The following LYRM4 variants were observed in gnomAD, a reference collection of about 807,000 sequenced individuals.
LYRM4 encodes the protein LYR motif-containing protein 4.
LYRM4 carries 9 observed loss-of-function variants against 11.7 expected under a neutral mutation model. The ratio of observed to expected loss-of-function variants is 0.77; its 90% confidence interval spans 0.46 to 1.34. The LOEUF is 1.34. LYRM4 is among the 40% of genes most tolerant of loss of function. LYRM4 has a pLI of 0.00. For synonymous variants in LYRM4, 42 were observed against 40.4 expected (o/e 1.04, Z -0.15); for missense variants, 133 against 112.5 (o/e 1.18, Z -0.82).
chr6:5,085,353 G>C, the LYRM4 span: 1 of 645,766 alleles, frequency 1.5e-6, no homozygotes, highest in Non-Finnish European at 2.6e-6. Flanking sequence ...TTGTCTTGTC[G>C]AGCCTGGGGC....
At chr6:5,247,274 G>A (rs1561900619) in intron 1 of LYRM4, among the ~76,000 whole-genome samples, 1 of 152,170 alleles carries the variant, frequency 6.6e-6, no homozygotes, top group Non-Finnish European at 1.5e-5. Context: ...TTGATTCTTA[G>A]TCTGAGGAGG....
intron 2 of LYRM4, among the ~76,000 whole-genome samples, chr6:5,123,849 TCA>T (rs1158337795): frequency 1.3e-5 from 2 of 152,202 alleles, no homozygotes; most frequent in African/African-American, 4.8e-5. Context: ...ATCGAGCCAC[TCA>T]CAGTGTAGTT....
intron 2 of LYRM4, among the ~76,000 whole-genome samples, chr6:5,189,709 T>C (rs1760644991): frequency 2.6e-5 from 4 of 152,316 alleles, no homozygotes; most frequent in Admixed American, 2.0e-4. Flanking sequence ...ATGCTAGCCA[T>C]GAGAGTGAGA....
chr6:5,235,299 C>A (rs1481422100), intron 1 of LYRM4, among the ~76,000 whole-genome samples: 1 of 151,728 alleles, frequency 6.6e-6, no homozygotes, highest in Admixed American at 6.6e-5. Context: ...TGAGCCACTG[C>A]GCCTGGCACA....
At chr6:5,162,880 A>G (rs1758852138) in intron 2 of LYRM4, among the ~76,000 whole-genome samples, 1 of 152,240 alleles carries the variant, frequency 6.6e-6, no homozygotes, top group African/African-American at 2.4e-5. Context: ...CTTGTATGTT[A>G]ATTGGCTATC....
intron 2 of LYRM4, among the ~76,000 whole-genome samples, chr6:5,158,048 G>C (rs1561837543): frequency 1.3e-5 from 2 of 152,158 alleles, no homozygotes; most frequent in Non-Finnish European, 2.9e-5. Flanking sequence ...ATGGGGACAG[G>C]ATCAGAGAGA....
chr6:5,187,092 T>G (rs528503154), intron 2 of LYRM4: 2 of 909,906 alleles, frequency 2.2e-6, no homozygotes, highest in Non-Finnish European at 2.6e-6. Context: ...GAATGGTGAA[T>G]GAATAATATA....
At chr6:5,221,815 A>C (rs1052601204) in intron 1 of LYRM4, among the ~76,000 whole-genome samples, 3 of 152,232 alleles carry the variant, frequency 2.0e-5, no homozygotes, top group African/African-American at 7.2e-5. Context: ...CTCATCCTAA[A>C]TTCTTTCCTT....
At chr6:5,109,628 G>A (rs548224282) in intron 2 of LYRM4, 137 bp from the exon 3 acceptor site, 9 of 808,088 alleles carry the variant, frequency 1.1e-5, no homozygotes, top group Admixed American at 8.8e-5. Context: ...ACTGCACTGC[G>A]GGGCAAAGCC....
At chr6:5,117,539 C>G (rs1277753483) in intron 2 of LYRM4, among the ~76,000 whole-genome samples, 1 of 149,626 alleles carries the variant, frequency 6.7e-6, no homozygotes, top group Non-Finnish European at 1.5e-5. Flanking sequence ...GAGCGAGACT[C>G]TGTCTCAAAA....
chr6:5,111,698 C>A (rs1372422120), intron 2 of LYRM4, among the ~76,000 whole-genome samples: 1 of 152,222 alleles, frequency 6.6e-6, no homozygotes, highest in Non-Finnish European at 1.5e-5. Flanking sequence ...TCCACATGTT[C>A]TGCTTCTGGC....
intron 1 of LYRM4, among the ~76,000 whole-genome samples, chr6:5,220,599 C>T (rs1182260241): frequency 6.6e-6 from 1 of 152,204 alleles, no homozygotes; most frequent in Admixed American, 6.5e-5. Flanking sequence ...CTGCTAAATT[C>T]TAGCATGTCC....
intron 2 of LYRM4, among the ~76,000 whole-genome samples, chr6:5,163,620 ATTTTT>A (rs34561251): frequency 2.2e-5 from 3 of 136,706 alleles, no homozygotes; most frequent in Admixed American, 7.3e-5. Flanking sequence ...GACTGCATTA[ATTTTT>A]TTTTTTTTTT....
intron 2 of LYRM4, among the ~76,000 whole-genome samples, chr6:5,195,512 T>C (rs1761000518): frequency 2.6e-5 from 4 of 152,024 alleles, no homozygotes; most frequent in African/African-American, 7.2e-5. Context: ...CATGCGCCTG[T>C]AGTCCCAGCT....
intron 2 of LYRM4, among the ~76,000 whole-genome samples, chr6:5,163,318 C>T (rs1758877277): frequency 6.6e-6 from 1 of 152,146 alleles, no homozygotes. Flanking sequence ...CAAGGCCGTG[C>T]CATGCCCACT....
At chr6:5,203,259 T>C (rs961293576) in intron 2 of LYRM4, among the ~76,000 whole-genome samples, 25 of 152,142 alleles carry the variant, frequency 1.6e-4, no homozygotes, top group African/African-American at 5.1e-4. Context: ...ATTAGGCATA[T>C]CTTGTTGATC....
At chr6:5,159,224 G>A (rs916392561) in intron 2 of LYRM4, among the ~76,000 whole-genome samples, 5 of 152,348 alleles carry the variant, frequency 3.3e-5, no homozygotes, top group East Asian at 3.9e-4. Flanking sequence ...CCCCAGACAC[G>A]TATGTGGGTG....
chr6:5,240,538 G>A (rs962744842), intron 1 of LYRM4: 12 of 151,870 alleles, frequency 7.9e-5, no homozygotes, highest in African/African-American at 2.9e-4. Flanking sequence ...TGTTTTAAAA[G>A]AAGAGCACAC....
intron 1 of LYRM4, among the ~76,000 whole-genome samples, chr6:5,252,441 C>T (rs181552165): frequency 9.1e-4 from 138 of 152,284 alleles, no homozygotes; most frequent in Non-Finnish European, 1.8e-3. Flanking sequence ...CTCAGTCCAA[C>T]ACTTCAGCCA....
Sources: allele counts gnomAD v4.1 joint callset (sites outside exome capture counted in the v4.1 genomes callset), GRCh38; gene constraint gnomAD v4.1.1; transcripts MANE v1.5; gene names NCBI Gene and HGNC (gene_info 2026-07-23, HGNC 2026-07-21).